The following SSBP3 variants were observed in gnomAD, a reference collection of about 807,000 sequenced individuals.
SSBP3 encodes the protein single stranded DNA binding protein 3.
In SSBP3, 5 loss-of-function variants were observed where a neutral mutation model predicts 69.6. That is an observed-to-expected ratio of 0.07 (90% CI 0.04 to 0.15). The LOEUF is 0.15. Among genes scored for constraint, SSBP3 ranks in the 10% least tolerant of loss-of-function variants. The probability of loss-of-function intolerance (pLI) is 1.00; values close to 1 mark genes in which losing one functional copy is unlikely to be tolerated. For synonymous variants in SSBP3, 196 were observed against 193.4 expected (o/e 1.01, Z -0.11); for missense variants, 312 against 534.0 (o/e 0.58, Z 4.10).
At chr1:54,229,743 C>A (rs1382353638) in intron 14 of SSBP3, among the ~76,000 whole-genome samples, 1 of 152,108 alleles carries the variant, frequency 6.6e-6, no homozygotes, top group South Asian at 2.1e-4. Context: ...GCATCTGCAT[C>A]GAGTGGGAAG....
intron 5 of SSBP3, among the ~76,000 whole-genome samples, chr1:54,274,648 C>T (rs1403191843): frequency 6.6e-6 from 1 of 152,164 alleles, no homozygotes; most frequent in African/African-American, 2.4e-5. Flanking sequence ...CACCCAGCCG[C>T]CACTCCTGCT....
At chr1:54,299,574 C>T (rs1402772471) in intron 4 of SSBP3, among the ~76,000 whole-genome samples, 1 of 151,914 alleles carries the variant, frequency 6.6e-6, no homozygotes, top group Non-Finnish European at 1.5e-5. Context: ...CTTGTGGGCA[C>T]AGGGAAACAA....
intron 4 of SSBP3, among the ~76,000 whole-genome samples, chr1:54,398,509 A>T (rs1160661695): frequency 6.6e-6 from 1 of 152,248 alleles, no homozygotes; most frequent in Non-Finnish European, 1.5e-5. Context: ...AAAGCGGAGA[A>T]GGTGGCCAGG....
At chr1:54,338,327 C>G (rs1214749808) in intron 4 of SSBP3, among the ~76,000 whole-genome samples, 1 of 152,242 alleles carries the variant, frequency 6.6e-6, no homozygotes, top group East Asian at 1.9e-4. Context: ...ACTGTAAAAT[C>G]CTTGAGGGAC....
At chr1:54,375,755 A>G (rs1647210494) in intron 4 of SSBP3, among the ~76,000 whole-genome samples, 1 of 152,216 alleles carries the variant, frequency 6.6e-6, no homozygotes, top group Non-Finnish European at 1.5e-5. Flanking sequence ...ACCCACAGCC[A>G]GAGCCTTCCT....
intron 4 of SSBP3, among the ~76,000 whole-genome samples, chr1:54,346,446 G>A (rs907913615): frequency 6.6e-6 from 1 of 152,138 alleles, no homozygotes; most frequent in Non-Finnish European, 1.5e-5. Context: ...CCTATGCTGG[G>A]GGTTGAATTG....
intron 7 of SSBP3, among the ~76,000 whole-genome samples, chr1:54,256,398 A>G (rs980732483): frequency 2.6e-5 from 4 of 152,114 alleles, no homozygotes; most frequent in African/African-American, 9.7e-5. Context: ...GCATCTATTC[A>G]TATTTACCTC....
At chr1:54,318,827 A>G (rs1339198561) in intron 4 of SSBP3, among the ~76,000 whole-genome samples, 2 of 152,130 alleles carry the variant, frequency 1.3e-5, no homozygotes, top group African/African-American at 4.8e-5. Flanking sequence ...AGCCTTACCT[A>G]TGCCAGTTAC....
intron 5 of SSBP3, among the ~76,000 whole-genome samples, chr1:54,273,144 G>A (rs1022935540): frequency 4.6e-5 from 7 of 152,240 alleles, no homozygotes; most frequent in Admixed American, 2.0e-4. Context: ...CTTTGTTACC[G>A]AGCAAATCTC....
intron 4 of SSBP3, among the ~76,000 whole-genome samples, chr1:54,367,657 G>A (rs1210703629): frequency 1.3e-5 from 2 of 152,154 alleles, no homozygotes; most frequent in Non-Finnish European, 1.5e-5. Context: ...TGGTTACCTG[G>A]GCCAAAGGCT....
intron 4 of SSBP3, among the ~76,000 whole-genome samples, chr1:54,355,216 T>C (rs1481751676): frequency 2.0e-5 from 3 of 152,274 alleles, no homozygotes; most frequent in Non-Finnish European, 4.4e-5. Flanking sequence ...TGTTCCTCTC[T>C]GTGCTGGGCA....
intron 4 of SSBP3, among the ~76,000 whole-genome samples, chr1:54,283,175 G>T (rs1645427110): frequency 6.6e-6 from 1 of 151,766 alleles, no homozygotes; most frequent in South Asian, 2.1e-4. Flanking sequence ...GCTGAGGCAG[G>T]AGAATTCACT....
At chr1:54,239,515 A>G (rs1028086910) in intron 13 of SSBP3, among the ~76,000 whole-genome samples, 2 of 150,604 alleles carry the variant, frequency 1.3e-5, no homozygotes, top group Admixed American at 6.6e-5. Context: ...CAGCAGAACC[A>G]CCACCTGTGC....
At chr1:54,339,077 A>T (rs1389134503) in intron 4 of SSBP3, among the ~76,000 whole-genome samples, 2 of 152,160 alleles carry the variant, frequency 1.3e-5, no homozygotes, top group African/African-American at 4.8e-5. Context: ...CTGGATTAAG[A>T]CAACATGGTT....
chr1:54,405,864 G>GGGGGGGGGGCCCCCCC, intron 1 of SSBP3, 89 bp downstream of exon 1: 1 of 138,884 alleles, frequency 7.2e-6, no homozygotes, highest in Non-Finnish European at 1.5e-5. Context: ...GCAGCCTCCG[G>GGGGGGGGGGCCCCCCC]CCCCCGCCCG....
At chr1:54,304,218 G>T (rs1274465772) in intron 4 of SSBP3, among the ~76,000 whole-genome samples, 1 of 152,202 alleles carries the variant, frequency 6.6e-6, no homozygotes, top group Admixed American at 6.5e-5. Flanking sequence ...GGACAGCAGG[G>T]CAGCCTTCGA....
intron 4 of SSBP3, among the ~76,000 whole-genome samples, chr1:54,393,904 C>T (rs1303360219): frequency 1.3e-5 from 2 of 152,114 alleles, no homozygotes. Context: ...GGACTACAGG[C>T]GCCCACCACC....
chr1:54,404,701 G>T, intron 2 of SSBP3, 64 bp from the exon 3 acceptor site: 2 of 1,583,862 alleles, frequency 1.3e-6, no homozygotes, highest in Non-Finnish European at 1.7e-6. Context: ...GGGCTTCCCA[G>T]AGCCAAAAGG....
rs866907150 is a variant in SSBP3, at chr1:54,316,685, T to A, written c.277-35158A>T. ...TAAAATAAATAAATAAATAAATAAA[T>A]AAATAAATAAATAAATAAATAAATA... is the stretch of plus-strand genomic sequence containing the variant. On this transcript the variant is annotated intron_variant, in intron 4 of 17. Transcript: ENST00000610401. 1.2e-3 allele frequency among the ~76,000 whole-genome samples: 151 copies of A among 121,448 alleles called. 6 individuals are homozygous for A. The highest frequency in any genetic ancestry group is 9.4e-3 in the East Asian group (33 of 3,514). The allele number at this position is 121,448 out of a possible 152,430, so 79.7% of individuals were successfully genotyped here. A position where few individuals can be genotyped will look rare whatever the true frequency, so the allele number is the denominator to read the frequency against.
Sources: allele counts gnomAD v4.1 joint callset (sites outside exome capture counted in the v4.1 genomes callset), GRCh38; gene constraint gnomAD v4.1.1; transcripts MANE v1.5; gene names NCBI Gene and HGNC (gene_info 2026-07-23, HGNC 2026-07-21).